CSMD1: variants seen among roughly 807,000 people sequenced by gnomAD.
CSMD1 encodes CUB and sushi domain-containing protein 1.
In CSMD1, 213 loss-of-function variants were observed where a neutral mutation model predicts 417.5. The ratio of observed to expected loss-of-function variants is 0.51; its 90% confidence interval spans 0.46 to 0.57. The LOEUF (loss-of-function observed/expected upper bound fraction) is 0.57, where lower values mean the gene tolerates loss of function less well. CSMD1 is among the 20% of genes least tolerant of loss of function. The probability of loss-of-function intolerance (pLI) is 0.00; values close to 1 mark genes in which losing one functional copy is unlikely to be tolerated. For missense variants in CSMD1, 6,923 were observed against 4,529.7 expected (o/e 1.53, Z -15.17); for synonymous variants, 2,862 against 1,736.8 (o/e 1.65, Z -16.11).
chr8:4,200,011 T>G (rs371074154), intron 3 of CSMD1, among the ~76,000 whole-genome samples: 87 of 152,314 alleles, frequency 5.7e-4, no homozygotes, highest in African/African-American at 1.9e-3. Flanking sequence ...GGCCCTGGAC[T>G]TGTTGAAAAT....
chr8:3,851,784 G>C (rs1036343986), intron 5 of CSMD1, among the ~76,000 whole-genome samples: 4 of 152,328 alleles, frequency 2.6e-5, no homozygotes, highest in African/African-American at 9.6e-5. Flanking sequence ...GTGACCACAA[G>C]TCAGGTGTGA....
intron 7 of CSMD1, among the ~76,000 whole-genome samples, chr8:3,667,532 G>A (rs1016919880): frequency 6.6e-6 from 1 of 152,082 alleles, no homozygotes; most frequent in African/African-American, 2.4e-5. Context: ...GTTGGGATGA[G>A]GTCAGGAAGG....
At chr8:3,039,287 T>TCC (rs1468725157) in intron 50 of CSMD1, among the ~76,000 whole-genome samples, 32,871 of 143,470 alleles carry the variant, frequency 0.23, 3,876 homozygotes, top group East Asian at 0.43. Context: ...CTTCCTTCTT[T>TCC]TCCTTACTTC....
At chr8:4,434,791 T>G (rs573276750) in intron 2 of CSMD1, among the ~76,000 whole-genome samples, 2 of 152,132 alleles carry the variant, frequency 1.3e-5, no homozygotes, top group African/African-American at 4.8e-5. Context: ...CTCCAGACCC[T>G]GCACCGCCCA....
intron 42 of CSMD1, among the ~76,000 whole-genome samples, chr8:3,115,694 G>C (rs751435557): frequency 6.6e-6 from 1 of 152,088 alleles, no homozygotes; most frequent in African/African-American, 2.4e-5. Context: ...TCATAAAGTA[G>C]ATTCTTATGC....
chr8:4,919,855 T>A (rs996216288), intron 1 of CSMD1, among the ~76,000 whole-genome samples: 5 of 152,086 alleles, frequency 3.3e-5, no homozygotes, highest in African/African-American at 1.2e-4. Context: ...CCTTCTTTCA[T>A]GTGAAGGGAG....
intron 5 of CSMD1, among the ~76,000 whole-genome samples, chr8:3,762,165 T>G (rs1353497197): frequency 6.6e-6 from 1 of 152,172 alleles, no homozygotes; most frequent in Non-Finnish European, 1.5e-5. Flanking sequence ...CCCTGCTTTC[T>G]ACACCCAGAA....
chr8:3,005,494 C>T (rs1807811235), intron 52 of CSMD1, among the ~76,000 whole-genome samples: 3 of 152,168 alleles, frequency 2.0e-5, no homozygotes, highest in African/African-American at 7.2e-5. Flanking sequence ...GACCAATATC[C>T]TTGATGAACA....
At chr8:3,904,305 T>G (rs1019953862) in intron 5 of CSMD1, among the ~76,000 whole-genome samples, 3 of 152,144 alleles carry the variant, frequency 2.0e-5, no homozygotes, top group Non-Finnish European at 4.4e-5. Context: ...ACCCCTTTCT[T>G]TCATCCCAAC....
intron 3 of CSMD1, among the ~76,000 whole-genome samples, chr8:4,162,285 T>C (rs1440837416): frequency 6.6e-6 from 1 of 152,188 alleles, no homozygotes; most frequent in Admixed American, 6.5e-5. Flanking sequence ...AATAATAAAG[T>C]TTGCTAAAGA....
intron 5 of CSMD1, among the ~76,000 whole-genome samples, chr8:3,950,329 C>G (rs1314107092): frequency 6.6e-6 from 1 of 152,136 alleles, no homozygotes; most frequent in African/African-American, 2.4e-5. Context: ...AGTAGAAAAG[C>G]CATCTGACTC....
intron 26 of CSMD1, among the ~76,000 whole-genome samples, chr8:3,237,814 CT>C (rs1799249703): frequency 8.0e-5 from 9 of 112,930 alleles, no homozygotes; most frequent in African/African-American, 2.3e-4. Flanking sequence ...TATAATTATA[CT>C]TATACTACAA....
rs747855206 is a variant in CSMD1 at position 3,110,202 on chromosome 8, G to A, written c.6564C>T (p.Phe2188=). Residue 2188 remains phenylalanine (F), a synonymous_variant, in exon 43 of 70, where the codon TTC becomes TTT. Coordinates refer to ENST00000635120, the MANE Select transcript of CSMD1 (RefSeq NM_033225.6). ...VPPGHGVYIN[F]TLLQTEAVND... is the part of the protein sequence containing the mutation. ...TGACAGCTTCCGTCTGTAACAGGGT[G>A]AAGTTGATGTAAACTCCGTGCCCTG... 4.3e-6 allele frequency: 7 copies of A among 1,613,110 alleles called. No individual in the cohort carries two copies. The South Asian group carries it at 7.7e-5, about 18-fold the overall frequency.
intron 5 of CSMD1, among the ~76,000 whole-genome samples, chr8:3,992,792 A>T (rs1173743748): frequency 6.6e-6 from 1 of 152,248 alleles, no homozygotes; most frequent in Admixed American, 6.5e-5. Flanking sequence ...ACATTAAAAA[A>T]TTATAAAGGA....
chr8:3,493,491 A>G (rs1289603857), intron 11 of CSMD1, 132 bp downstream of exon 11: 2 of 633,026 alleles, frequency 3.2e-6, no homozygotes, highest in South Asian at 2.0e-5. Flanking sequence ...ATTGCAGGCC[A>G]CTACATTAGC....
intron 1 of CSMD1, among the ~76,000 whole-genome samples, chr8:4,893,111 A>T (rs1804234367): frequency 6.6e-6 from 1 of 151,966 alleles, no homozygotes; most frequent in Non-Finnish European, 1.5e-5. Flanking sequence ...CTCTCTTTCT[A>T]GTTTTTGTCA....
rs559634164 is a variant in CSMD1 at position 4,921,729 on chromosome 8, A to T, written c.85+72603T>A. Among the ~76,000 whole-genome samples the T allele has an allele frequency of 4.5e-4, 69 of 152,294 alleles. No homozygotes were observed. The Middle Eastern group carries it at 0.01, about 23-fold the overall frequency. On this transcript the variant is annotated intron_variant, in intron 1 of 69. Transcript: ENST00000635120. Reference sequence around the variant, plus strand: ...ATGCAATGTTTACTCACCCTAAGACAAAATGTGTTCCTTGTTGTTCTGAGT... The same window carrying T: ...ATGCAATGTTTACTCACCCTAAGACTAAATGTGTTCCTTGTTGTTCTGAGT...
At chr8:3,856,398 AC>A (rs747186121) in intron 5 of CSMD1, among the ~76,000 whole-genome samples, 5 of 152,094 alleles carry the variant, frequency 3.3e-5, no homozygotes, top group Non-Finnish European at 4.4e-5. Context: ...TTTATAAATT[AC>A]CCAGTTTCTG....
chr8:4,723,503 G>T (rs556451620), intron 1 of CSMD1, among the ~76,000 whole-genome samples: 3 of 152,200 alleles, frequency 2.0e-5, no homozygotes, highest in Non-Finnish European at 2.9e-5. Flanking sequence ...CGTCCATTTT[G>T]TATCTTGTAG....
Sources: gnomAD v4.1 joint callset for allele counts (sites outside exome capture counted in the v4.1 genomes callset) on GRCh38, gnomAD v4.1.1 for gene constraint, MANE v1.5 for transcripts, NCBI Gene and HGNC (gene_info 2026-07-23, HGNC 2026-07-21) for gene names.